The following SLC30A8 variants were observed in gnomAD, a reference collection of about 807,000 sequenced individuals.
SLC30A8 encodes proton-coupled zinc antiporter SLC30A8.
SLC30A8 carries 27 observed loss-of-function variants against 36.9 expected under a neutral mutation model. The ratio of observed to expected loss-of-function variants is 0.73; its 90% CI spans 0.54 to 1.01. The LOEUF is 1.01. Ranked by LOEUF, SLC30A8 falls within the 50% of genes least tolerant of loss-of-function variation. SLC30A8 has a pLI of 0.00. For synonymous variants in SLC30A8, 164 were observed against 172.4 expected, an observed-to-expected ratio of 0.95 and a Z score of 0.38; for missense variants, 439 against 452.0, an observed-to-expected ratio of 0.97 and a Z score of 0.26.
intron 2 of SLC30A8, among the ~76,000 whole-genome samples, chr8:117,098,400 C>A (rs1819556750): frequency 6.6e-6 from 1 of 152,086 alleles, no homozygotes; most frequent in Non-Finnish European, 1.5e-5. Flanking sequence ...TACTCAAAAT[C>A]TTTGGTAGAG....
intron 6 of SLC30A8, among the ~76,000 whole-genome samples, chr8:117,165,909 A>G (rs562899628): frequency 1.3e-5 from 2 of 152,314 alleles, no homozygotes; most frequent in South Asian, 2.1e-4. Context: ...GTTTTGGCTC[A>G]TATGTGGGAG....
intron 2 of SLC30A8, among the ~76,000 whole-genome samples, chr8:117,099,217 G>A (rs1417085844): frequency 6.6e-6 from 1 of 152,088 alleles, no homozygotes; most frequent in Admixed American, 6.6e-5. Flanking sequence ...TGTCCTGAGG[G>A]CATTTGCACC....
At chr8:117,044,605 A>G (rs1040803657) in intron 2 of SLC30A8, among the ~76,000 whole-genome samples, 2 of 152,184 alleles carry the variant, frequency 1.3e-5, no homozygotes, top group African/African-American at 4.8e-5. Context: ...GCAAATATTG[A>G]GCGTGGTTTT....
At chr8:117,038,143 C>T (rs1256479712) in intron 1 of SLC30A8, among the ~76,000 whole-genome samples, 1 of 152,064 alleles carries the variant, frequency 6.6e-6, no homozygotes, top group Non-Finnish European at 1.5e-5. Flanking sequence ...TAAAATTGTT[C>T]TTCAAAACTA....
intron 1 of SLC30A8, among the ~76,000 whole-genome samples, chr8:116,990,478 A>G (rs1265044329): frequency 6.6e-6 from 1 of 152,184 alleles, no homozygotes; most frequent in Non-Finnish European, 1.5e-5. Context: ...CTTACATTTA[A>G]TCATAAGAAA....
intron 1 of SLC30A8, among the ~76,000 whole-genome samples, chr8:117,031,200 C>T (rs905435119): frequency 9.3e-5 from 14 of 149,958 alleles, no homozygotes; most frequent in Middle Eastern, 3.4e-3. Flanking sequence ...ACTGTGTATT[C>T]GATACTATAT....
intron 2 of SLC30A8, among the ~76,000 whole-genome samples, chr8:117,093,433 C>G (rs1563590874): frequency 6.6e-6 from 1 of 151,806 alleles, no homozygotes; most frequent in African/African-American, 2.4e-5. Context: ...GTTGGTTCTT[C>G]TAAGTATTTC....
At chr8:117,111,176 C>T (rs1258978245) in intron 2 of SLC30A8, among the ~76,000 whole-genome samples, 2 of 152,060 alleles carry the variant, frequency 1.3e-5, no homozygotes, top group African/African-American at 4.8e-5. Context: ...AGGACAAATC[C>T]TGGCACAAGC....
chr8:117,138,280 A>C (rs1260189724), intron 1 of SLC30A8, among the ~76,000 whole-genome samples: 1 of 151,990 alleles, frequency 6.6e-6, no homozygotes, highest in Non-Finnish European at 1.5e-5. Flanking sequence ...ACTGCTAAAA[A>C]TTATAAAAAA....
intron 2 of SLC30A8, among the ~76,000 whole-genome samples, chr8:117,126,414 A>T (rs1300270702): frequency 1.3e-5 from 2 of 151,944 alleles, no homozygotes; most frequent in Non-Finnish European, 1.5e-5. Context: ...ATGTAAGAAA[A>T]CAGGTTCAGA....
intron 6 of SLC30A8, among the ~76,000 whole-genome samples, chr8:117,168,591 A>G (rs1823187453): frequency 6.6e-6 from 1 of 152,138 alleles, no homozygotes; most frequent in South Asian, 2.1e-4. Flanking sequence ...TTGTTATAAT[A>G]AAATAAGTCA....
At chr8:117,116,985 T>G (rs146918518) in intron 2 of SLC30A8, among the ~76,000 whole-genome samples, 3 of 152,132 alleles carry the variant, frequency 2.0e-5, no homozygotes, top group African/African-American at 7.2e-5. Flanking sequence ...TTCCTACATC[T>G]TGTGGCTTCT....
intron 1 of SLC30A8, among the ~76,000 whole-genome samples, chr8:116,967,915 G>A (rs1305789956): frequency 3.9e-5 from 6 of 152,144 alleles, no homozygotes. Flanking sequence ...TCTGGAAGAA[G>A]ATGCAATGCA....
chr8:116,988,102 C>T (rs1467216229), intron 1 of SLC30A8, among the ~76,000 whole-genome samples: 1 of 152,144 alleles, frequency 6.6e-6, no homozygotes, highest in East Asian at 1.9e-4. Flanking sequence ...TAGTTGGAGT[C>T]AAGCTCCAAG....
intron 1 of SLC30A8, among the ~76,000 whole-genome samples, chr8:116,967,886 C>T (rs1275737769): frequency 6.6e-6 from 1 of 152,064 alleles, no homozygotes; most frequent in Non-Finnish European, 1.5e-5. Context: ...CAATATGAAT[C>T]GTCCCGGTTT....
chr8:117,120,278 G>A lies in SLC30A8; in HGVS notation c.-225-15002G>A, dbSNP rs369091973. 2.0e-5 allele frequency among the ~76,000 whole-genome samples: 3 copies of A among 151,862 alleles called. No homozygotes were observed. The East Asian group carries it at 5.8e-4, about 29-fold the overall frequency. ...TTACATAAAGACAGATATACAGACC[G>A]ATGGAACAGAATAGAGATCCCAGAA... On this transcript the variant is annotated intron_variant, in intron 2 of 10. Transcript: ENST00000427715.
At chr8:116,964,899 C>G (rs1196021538) in intron 1 of SLC30A8, among the ~76,000 whole-genome samples, 1 of 152,142 alleles carries the variant, frequency 6.6e-6, no homozygotes, top group African/African-American at 2.4e-5. Flanking sequence ...TTTGTTATTT[C>G]AGATCCTTAC....
At position 117,081,196 on chromosome 8, in the gene SLC30A8, T is replaced by A. The variant is rs190636702; in HGVS notation, c.-226+41938T>A. ...GAAAAACCCTAAAGTGCAGGCATGG[T>A]GATAGATGTTGAGGGCACAGTGAAT... On this transcript the variant is annotated intron_variant, in intron 2 of 10. Coordinates refer to the SLC30A8 transcript ENST00000427715. Among the ~76,000 whole-genome samples the A allele has an allele frequency of 2.3e-3, 352 of 152,112 alleles. 2 individuals are homozygous for A. Among genetic ancestry groups the A allele is most frequent in the Non-Finnish European group, 3.7e-3 (249 of 67,982 alleles).
intron 1 of SLC30A8, among the ~76,000 whole-genome samples, chr8:117,001,294 T>G (rs146023317): frequency 6.6e-6 from 1 of 151,684 alleles, no homozygotes; most frequent in Non-Finnish European, 1.5e-5. Context: ...ATAGCCATTT[T>G]GAGAATACAA....
Sources: allele counts gnomAD v4.1 joint callset (sites outside exome capture counted in the v4.1 genomes callset), GRCh38; gene constraint gnomAD v4.1.1; transcripts MANE v1.5; gene names NCBI Gene and HGNC (gene_info 2026-07-23, HGNC 2026-07-21).